The following RALGAPA1 variants were observed in gnomAD, a reference collection of about 807,000 sequenced individuals.
RALGAPA1 encodes the protein Ral GTPase activating protein catalytic subunit alpha 1.
RALGAPA1 carries 52 observed loss-of-function variants against 269.6 expected under a neutral mutation model. That is an observed-to-expected ratio of 0.19 (90% CI 0.15 to 0.24). The LOEUF is 0.24. Ranked by LOEUF, RALGAPA1 falls within the 10% of genes least tolerant of loss-of-function variation. The pLI, the probability that RALGAPA1 is intolerant of heterozygous loss-of-function variation, is 1.00. For synonymous variants in RALGAPA1, 817 were observed against 1,008.3 expected (o/e 0.81, Z 3.60); for missense variants, 1,917 against 3,013.9 (o/e 0.64, Z 8.52).
chr14:35,667,945 A>T (rs1463782168), intron 26 of RALGAPA1, among the ~76,000 whole-genome samples: 1 of 152,258 alleles, frequency 6.6e-6, no homozygotes, highest in African/African-American at 2.4e-5. Context: ...AAAATGTGGT[A>T]CTTATACACA....
chr14:35,786,035 T>C (rs946915753), intron 1 of RALGAPA1, among the ~76,000 whole-genome samples: 8 of 152,044 alleles, frequency 5.3e-5, no homozygotes, highest in Non-Finnish European at 7.4e-5. Context: ...TGCACACCTA[T>C]GGTTCCAGCT....
At chr14:35,793,362 C>A (rs1449528309) in intron 1 of RALGAPA1, among the ~76,000 whole-genome samples, 1 of 151,908 alleles carries the variant, frequency 6.6e-6, no homozygotes, top group African/African-American at 2.4e-5. Flanking sequence ...CTCAGCCTCC[C>A]GTGTAGCTGG....
chr14:35,621,191 C>T (rs959600829), intron 35 of RALGAPA1, among the ~76,000 whole-genome samples: 1 of 151,968 alleles, frequency 6.6e-6, no homozygotes, highest in African/African-American at 2.4e-5. Flanking sequence ...AGAACAGAGC[C>T]CTCAGAAATA....
In RALGAPA1 at chr14:35,685,058, G is replaced by A; in HGVS notation, c.4165C>T (p.Pro1389Ser). The change falls in exon 20 of 42, where the codon CCT becomes TCT. Residue 1389 changes from proline to serine, a missense_variant. Coordinates refer to ENST00000680220, the MANE Select transcript of RALGAPA1 (RefSeq NM_001346249.2). Reference protein sequence around the residue: ...DILNKQNQMRPIDDPGVPSEW... With the variant: ...DILNKQNQMRSIDDPGVPSEW... The stretch of plus-strand genomic sequence containing the variant: ...GAGGGCACACCTGGGTCATCAATAG[G>A]GCGCATCTGGTTCTGCTTGTTTAGA... 1 of 1,601,060 alleles carries A rather than the reference G, an allele frequency of 6.2e-7. No individual in the cohort carries two copies. Among genetic ancestry groups the A allele is most frequent in the Non-Finnish European group, 8.5e-7 (1 of 1,173,326 alleles).
At chr14:35,676,462 T>C (rs908230864) in intron 22 of RALGAPA1, 2 of 152,306 alleles carry the variant, frequency 1.3e-5, no homozygotes, top group African/African-American at 4.8e-5. Context: ...TCCACCTGCC[T>C]TTGCCTCCCA....
chr14:35,720,450 T>C (rs1173797616), intron 16 of RALGAPA1, among the ~76,000 whole-genome samples: 1 of 152,254 alleles, frequency 6.6e-6, no homozygotes, highest in Non-Finnish European at 1.5e-5. Flanking sequence ...CTTACAATAA[T>C]GGCTTTACAT....
intron 3 of RALGAPA1, among the ~76,000 whole-genome samples, chr14:35,773,249 A>T (rs1323481833): frequency 6.6e-6 from 1 of 152,128 alleles, no homozygotes; most frequent in Non-Finnish European, 1.5e-5. Context: ...TATTAGTAAC[A>T]ACACATAATG....
chr14:35,701,900 T>C (rs928818484), intron 16 of RALGAPA1, among the ~76,000 whole-genome samples: 2 of 152,156 alleles, frequency 1.3e-5, no homozygotes, highest in Non-Finnish European at 2.9e-5. Flanking sequence ...CCTCTCACAT[T>C]GGTCTCCCAA....
Position 35,775,925 on chromosome 14 carries a change from G to A in RALGAPA1, c.107-180C>T, listed in dbSNP as rs115791556. Among the ~76,000 whole-genome samples, 953 of 152,084 alleles carry A rather than the reference G, an allele frequency of 6.3e-3. 15 individuals are homozygous for A. Among genetic ancestry groups the A allele is most frequent in the African/African-American group, 0.022 (902 of 41,474 alleles). Reference sequence around the variant, plus strand: ...CGTTCTTAAAACTTTAGTCTTTGCCGATTTTAGTTTTAATTTTAAAAACTG... The same window carrying A: ...CGTTCTTAAAACTTTAGTCTTTGCCAATTTTAGTTTTAATTTTAAAAACTG... On this transcript the variant is annotated intron_variant, in intron 1 of 41. Coordinates refer to ENST00000680220, the MANE Select transcript of RALGAPA1 (RefSeq NM_001346249.2).
At chr14:35,575,814 G>A (rs973211359) in intron 37 of RALGAPA1, among the ~76,000 whole-genome samples, 3 of 151,928 alleles carry the variant, frequency 2.0e-5, no homozygotes, top group Non-Finnish European at 4.4e-5. Flanking sequence ...GGCTGGTCTC[G>A]AACTCCTGAC....
intron 18 of RALGAPA1, among the ~76,000 whole-genome samples, chr14:35,687,164 A>G (rs1187185770): frequency 1.3e-5 from 2 of 152,212 alleles, no homozygotes; most frequent in Non-Finnish European, 2.9e-5. Context: ...TCTAATTTTA[A>G]TGCTTTAAGA....
chr14:35,629,802 T>C (rs1371285296), intron 33 of RALGAPA1, among the ~76,000 whole-genome samples: 1 of 152,188 alleles, frequency 6.6e-6, no homozygotes, highest in Non-Finnish European at 1.5e-5. Flanking sequence ...CTGAGCCAAA[T>C]ACAGATTTAA....
chr14:35,642,416 T>C (rs2062090630), intron 31 of RALGAPA1, among the ~76,000 whole-genome samples: 1 of 152,040 alleles, frequency 6.6e-6, no homozygotes, highest in South Asian at 2.1e-4. Flanking sequence ...ACAATTTGAT[T>C]TAAAATGGGC....
intron 16 of RALGAPA1, among the ~76,000 whole-genome samples, chr14:35,711,285 C>A (rs2068311212): frequency 6.6e-6 from 1 of 152,058 alleles, no homozygotes; most frequent in Non-Finnish European, 1.5e-5. Flanking sequence ...CTATTCAGTG[C>A]CTTTCTTTTT....
chr14:35,662,679 C>T (rs2063621182), intron 27 of RALGAPA1, among the ~76,000 whole-genome samples: 1 of 152,158 alleles, frequency 6.6e-6, no homozygotes, highest in African/African-American at 2.4e-5. Flanking sequence ...ACCCCTAACT[C>T]ACTCAAAACT....
chr14:35,789,974 C>A (rs984912031), intron 1 of RALGAPA1, among the ~76,000 whole-genome samples: 1 of 152,044 alleles, frequency 6.6e-6, no homozygotes, highest in Non-Finnish European at 1.5e-5. Context: ...TCAGAATTGG[C>A]CGGGTGCAAT....
intron 17 of RALGAPA1, among the ~76,000 whole-genome samples, chr14:35,694,615 G>A (rs1252125891): frequency 2.0e-5 from 3 of 150,724 alleles, no homozygotes; most frequent in Admixed American, 6.6e-5. Flanking sequence ...TAGCCCAGTC[G>A]ACTATCTTCT....
intron 13 of RALGAPA1, among the ~76,000 whole-genome samples, chr14:35,727,007 T>C (rs1011781441): frequency 6.6e-6 from 1 of 152,066 alleles, no homozygotes; most frequent in Non-Finnish European, 1.5e-5. Flanking sequence ...CACAAATAAG[T>C]GTCCCAAATG....
intron 35 of RALGAPA1, among the ~76,000 whole-genome samples, chr14:35,617,628 T>C (rs2060336098): frequency 5.7e-5 from 1 of 17,610 alleles, no homozygotes. Flanking sequence ...TGTGTGTGTG[T>C]GTGTGGGGTG....
Sources: gnomAD v4.1 joint callset for allele counts (sites outside exome capture counted in the v4.1 genomes callset) on GRCh38, gnomAD v4.1.1 for gene constraint, MANE v1.5 for transcripts, NCBI Gene and HGNC (gene_info 2026-07-23, HGNC 2026-07-21) for gene names.